BBX: variants seen among roughly 807,000 people sequenced by gnomAD.
The protein encoded by BBX is BBX high mobility group box domain containing.
A neutral mutation model predicts 100.2 loss-of-function variants in BBX; 30 were observed. That is an observed-to-expected ratio of 0.30 (90% confidence interval 0.22 to 0.41). The LOEUF is 0.41. Ranked by LOEUF, BBX falls within the 10% of genes least tolerant of loss-of-function variation. BBX has a pLI of 1.00. For missense variants in BBX, 1,023 were observed against 1,129.8 expected (o/e 0.91, Z 1.35); for synonymous variants, 376 against 388.1 (o/e 0.97, Z 0.37).
At position 107,523,021 on chromosome 3, in the gene BBX, GCTTCTCT is replaced by G. The variant is rs1440417070; in HGVS notation, c.-240_-234del. 1 of 153,272 alleles carries G rather than the reference GCTTCTCT, an allele frequency of 6.5e-6. No homozygotes were observed. The highest frequency in any genetic ancestry group is 2.4e-5 in the African/African-American group (1 of 41,464). 9.5% of individuals were successfully genotyped at this position (153,272 alleles called of 1,614,324 possible). A position where few individuals can be genotyped will look rare whatever the true frequency, so the allele number is the denominator to read the frequency against. On this transcript the variant is annotated 5_prime_UTR_variant, in exon 1 of 18. Transcript: ENST00000325805. ...AAGCGGAGGCAGAGCGGCTCCGCGAGCTTCTCTCCACTTTCCCATAGAGAAACCCTGA... is the reference window on the plus strand; with the variant it reads ...AAGCGGAGGCAGAGCGGCTCCGCGAGCCACTTTCCCATAGAGAAACCCTGA...
rs757672057 is a variant in BBX, at chr3:107,605,608, C to G, written c.-83-40228C>G. Among the ~76,000 whole-genome samples, 11 of 152,156 alleles carry G rather than the reference C, an allele frequency of 7.2e-5. 1 individual carries two copies. In the East Asian group the frequency reaches 2.1e-3, roughly 29 times the overall value. On this transcript the variant is annotated intron_variant, in intron 2 of 17. Transcript: ENST00000325805. The stretch of plus-strand genomic sequence containing the variant: ...GATATCCCTTCCTTCTCCTACCACC[C>G]TCTCACCACCCAAACACACACACAG...
At chr3:107,800,123 A>G (rs775744205) in intron 16 of BBX, among the ~76,000 whole-genome samples, 8 of 152,248 alleles carry the variant, frequency 5.3e-5, no homozygotes, top group East Asian at 1.9e-4. Context: ...GCCCTGTCAT[A>G]TAAGAGAAAA....
intron 5 of BBX, among the ~76,000 whole-genome samples, chr3:107,722,379 A>G (rs1010886449): frequency 8.6e-5 from 13 of 151,964 alleles, no homozygotes; most frequent in African/African-American, 3.1e-4. Context: ...GTAAAATTAT[A>G]TTTTTAAATA....
rs2070048244 is a variant in BBX at position 107,798,828 on chromosome 3, A to C, written c.2551+108A>C. 15 of 1,063,138 alleles carry C rather than the reference A, an allele frequency of 1.4e-5. No homozygotes were observed. In the East Asian group the frequency reaches 3.9e-4, roughly 28 times the overall value. 65.9% of individuals were successfully genotyped at this position (1,063,138 alleles called of 1,614,324 possible). On this transcript the variant is annotated intron_variant, in intron 16 of 17. Transcript: ENST00000325805. Reference sequence around the variant, plus strand: ...ACAATGAAATACACTAACAATAGCCAATGAGCTAAAAAAAAAAAAAAACAA... The same window carrying C: ...ACAATGAAATACACTAACAATAGCCCATGAGCTAAAAAAAAAAAAAAACAA...
chr3:107,738,827 T>C (rs188578565), intron 7 of BBX, among the ~76,000 whole-genome samples: 1 of 152,198 alleles, frequency 6.6e-6, no homozygotes, highest in Non-Finnish European at 1.5e-5. Context: ...TGACATTGAG[T>C]ATCTCATTCT....
intron 7 of BBX, among the ~76,000 whole-genome samples, chr3:107,733,289 GT>G (rs1335578366): frequency 3.9e-5 from 6 of 152,268 alleles, no homozygotes; most frequent in Non-Finnish European, 2.9e-5. Context: ...TAGATCACTG[GT>G]GTTTGCATGA....
intron 1 of BBX, among the ~76,000 whole-genome samples, chr3:107,524,808 G>T (rs924805400): frequency 6.9e-6 from 1 of 145,664 alleles, no homozygotes; most frequent in Admixed American, 6.8e-5. Flanking sequence ...GAGGTGGGGG[G>T]GGGGGCGAAG....
intron 3 of BBX, among the ~76,000 whole-genome samples, chr3:107,672,209 T>C (rs975164829): frequency 3.9e-5 from 6 of 152,068 alleles, no homozygotes; most frequent in African/African-American, 1.4e-4. Flanking sequence ...GCTCCCCAAG[T>C]GTAAAATAAT....
chr3:107,570,959 TA>T (rs1295366697), intron 2 of BBX, among the ~76,000 whole-genome samples: 6 of 152,160 alleles, frequency 3.9e-5, no homozygotes, highest in African/African-American at 1.4e-4. Flanking sequence ...ATCATCCAGA[TA>T]AAATGGAGAA....
intron 13 of BBX, among the ~76,000 whole-genome samples, chr3:107,785,675 T>C (rs2107888407): frequency 6.6e-6 from 1 of 151,946 alleles, no homozygotes; most frequent in East Asian, 1.9e-4. Context: ...AAAAGGGAAA[T>C]TCCTCAGCCT....
At chr3:107,672,128 C>T (rs570617547) in intron 3 of BBX, among the ~76,000 whole-genome samples, 1 of 152,078 alleles carries the variant, frequency 6.6e-6, no homozygotes, top group South Asian at 2.1e-4. Context: ...TATGTCTGGA[C>T]TGTTAAATTG....
chr3:107,716,345 G>A (rs2062102245), intron 4 of BBX: 2 of 364,256 alleles, frequency 5.5e-6, no homozygotes, highest in East Asian at 5.1e-5. Context: ...AGAAAAAAAT[G>A]TAAGCAATTA....
intron 13 of BBX, among the ~76,000 whole-genome samples, chr3:107,785,179 GAAA>G (rs201420142): frequency 7.8e-6 from 1 of 128,654 alleles, no homozygotes. Flanking sequence ...GTATCTGGGG[GAAA>G]AAAAAAAAAA....
At chr3:107,660,297 G>T (rs1056480845) in intron 3 of BBX, among the ~76,000 whole-genome samples, 3 of 151,938 alleles carry the variant, frequency 2.0e-5, no homozygotes, top group Admixed American at 6.6e-5. Flanking sequence ...TGTAAGGATT[G>T]CAACAGTTTA....
At chr3:107,628,195 A>T (rs1429226187) in intron 2 of BBX, among the ~76,000 whole-genome samples, 2 of 152,114 alleles carry the variant, frequency 1.3e-5, no homozygotes, top group Non-Finnish European at 2.9e-5. Flanking sequence ...ATAAATGCTT[A>T]CTGTACCAAC....
chr3:107,792,979 C>T (rs983106858), intron 15 of BBX, among the ~76,000 whole-genome samples: 4 of 152,048 alleles, frequency 2.6e-5, no homozygotes, highest in Non-Finnish European at 5.9e-5. Context: ...GGGTTCTAGT[C>T]TCAGACCTGC....
chr3:107,754,688 A>G (rs770697346), intron 9 of BBX, among the ~76,000 whole-genome samples: 4 of 152,218 alleles, frequency 2.6e-5, no homozygotes, highest in African/African-American at 4.8e-5. Flanking sequence ...AGGATTACCT[A>G]CTAAATGGAA....
chr3:107,744,734 A>C (rs765763534), intron 8 of BBX, 24 bp downstream of exon 8: 1 of 1,577,490 alleles, frequency 6.3e-7, no homozygotes, highest in Non-Finnish European at 8.7e-7. Context: ...ATTGATACTT[A>C]ACTAATGAGG....
chr3:107,645,768 T>G (rs1214205522), intron 2 of BBX, 68 bp from the exon 3 acceptor site: 1 of 152,628 alleles, frequency 6.6e-6, no homozygotes, highest in Admixed American at 6.5e-5. Flanking sequence ...AGAGAATGAG[T>G]GTCAGCTTTA....
Sources: gnomAD v4.1 joint callset for allele counts (sites outside exome capture counted in the v4.1 genomes callset) on GRCh38, gnomAD v4.1.1 for gene constraint, MANE v1.5 for transcripts, NCBI Gene and HGNC (gene_info 2026-07-23, HGNC 2026-07-21) for gene names.